The following TMEM120B variants were observed in gnomAD, a reference collection of about 807,000 sequenced individuals.
TMEM120B encodes transmembrane protein 120B.
Under a neutral mutation model 55.5 loss-of-function variants are expected in TMEM120B, and 31 were observed. That is an observed-to-expected ratio of 0.56 (90% CI 0.42 to 0.75). The LOEUF is 0.75. Ranked by LOEUF, TMEM120B falls within the 30% of genes least tolerant of loss-of-function variation. The pLI is 0.00. For synonymous variants in TMEM120B, 203 were observed against 176.3 expected (o/e 1.15, Z -1.20); for missense variants, 399 against 425.5 (o/e 0.94, Z 0.55).
intron 5 of TMEM120B, chr12:121,758,083 C>A: frequency 1.2e-6 from 1 of 816,822 alleles, no homozygotes; most frequent in Non-Finnish European, 1.5e-6. Flanking sequence ...CACGTCACTG[C>A]ACTCCAGCCT....
chr12:121,755,914 T>C (rs767948394), intron 5 of TMEM120B, among the ~76,000 whole-genome samples: 4 of 151,874 alleles, frequency 2.6e-5, no homozygotes, highest in Non-Finnish European at 4.4e-5. Flanking sequence ...ACCAGCAGAG[T>C]AGATGCTGGT....
intron 2 of TMEM120B, among the ~76,000 whole-genome samples, chr12:121,745,926 A>G (rs528759233): frequency 1.3e-5 from 2 of 151,984 alleles, no homozygotes; most frequent in South Asian, 2.1e-4. Context: ...CAGTGGTGCT[A>G]TCTTGGCTCA....
intron 1 of TMEM120B, among the ~76,000 whole-genome samples, chr12:121,719,619 C>T (rs1478869787): frequency 6.6e-6 from 1 of 152,042 alleles, no homozygotes; most frequent in East Asian, 1.9e-4. Context: ...GAAACAGTGG[C>T]ATCGATTGGA....
At chr12:121,743,100 A>T (rs1872980802) in intron 1 of TMEM120B, among the ~76,000 whole-genome samples, 1 of 151,978 alleles carries the variant, frequency 6.6e-6, no homozygotes, top group African/African-American at 2.4e-5. Flanking sequence ...CTGAATGGTT[A>T]TTTCAGGAAT....
At chr12:121,759,070 G>A (rs1873582668) in intron 5 of TMEM120B, 1 of 963,298 alleles carries the variant, frequency 1.0e-6, no homozygotes, top group Non-Finnish European at 1.2e-6. Context: ...GACACAGGGA[G>A]TTTATAGCTT....
rs957212653 is a variant in TMEM120B, at chr12:121,774,654, A to G, written c.773-4A>G. 2 of 1,613,620 alleles carry G rather than the reference A, an allele frequency of 1.2e-6. No homozygotes were observed. The highest frequency in any genetic ancestry group is 1.7e-6 in the Non-Finnish European group (2 of 1,179,792). ...GGGTCCTTTTTCTTCCCTCCTCTCC[A>G]CAGAAGGGTTCCAGTCCTGGATGTG... On this transcript the variant is annotated splice_region_variant and splice_polypyrimidine_tract_variant and intron_variant, in intron 9 of 11. Coordinates refer to ENST00000449592, the MANE Select transcript of TMEM120B (RefSeq NM_001080825.2).
At chr12:121,739,798 C>CTTTTTTT (rs200085137) in intron 1 of TMEM120B, among the ~76,000 whole-genome samples, 3 of 99,214 alleles carry the variant, frequency 3.0e-5, no homozygotes, top group Non-Finnish European at 5.8e-5. Context: ...TGCAACACTT[C>CTTTTTTT]TTTTTTTTTT....
At chr12:121,758,730 T>C in intron 5 of TMEM120B, 1 of 978,202 alleles carries the variant, frequency 1.0e-6, no homozygotes, top group Non-Finnish European at 1.2e-6. Context: ...AGCTCCACGC[T>C]GTGGTCACCA....
chr12:121,726,552 C>G (rs1222178716), intron 1 of TMEM120B, among the ~76,000 whole-genome samples: 2 of 146,466 alleles, frequency 1.4e-5, no homozygotes, highest in Non-Finnish European at 3.0e-5. Context: ...GCACTCCAGC[C>G]TGGGTGACAG....
chr12:121,729,902 A>G (rs1894964760), intron 1 of TMEM120B, among the ~76,000 whole-genome samples: 1 of 152,194 alleles, frequency 6.6e-6, no homozygotes, highest in African/African-American at 2.4e-5. Context: ...TCTTCCATCC[A>G]TCAGTGGAGG....
chr12:121,780,760 C>T lies in TMEM120B; in HGVS notation c.*5038C>T. 8.1e-7 allele frequency: 1 copy of T among 1,238,142 alleles called. No homozygotes were observed. Among genetic ancestry groups the T allele is most frequent in the South Asian group, 1.5e-5 (1 of 66,970 alleles). 76.7% of individuals were successfully genotyped at this position (1,238,142 alleles called of 1,614,324 possible). A position where few individuals can be genotyped will look rare whatever the true frequency, so the allele number is the denominator to read the frequency against. On this transcript the variant is annotated 3_prime_UTR_variant, in exon 12 of 12. Transcript: ENST00000449592. ...AATAGTTAAAAATTATTCTTAGAATCTTGCTTCCCTCAGCTCCCTGAAAGG... is the reference window on the plus strand; with the variant it reads ...AATAGTTAAAAATTATTCTTAGAATTTTGCTTCCCTCAGCTCCCTGAAAGG...
At chr12:121,770,786 T>G in intron 6 of TMEM120B, 121 bp from the exon 7 acceptor site, 3 of 867,608 alleles carry the variant, frequency 3.5e-6, no homozygotes, top group Non-Finnish European at 5.7e-6. Flanking sequence ...GTCTGTTTCT[T>G]ACTCCAAGAA....
chr12:121,729,340 G>A (rs1894953787), intron 1 of TMEM120B, among the ~76,000 whole-genome samples: 1 of 152,208 alleles, frequency 6.6e-6, no homozygotes, highest in African/African-American at 2.4e-5. Context: ...GCAAAGAGTA[G>A]CCAGGGACTC....
intron 7 of TMEM120B, 152 bp downstream of exon 7, chr12:121,771,124 C>T (rs560372001): frequency 4.9e-5 from 43 of 873,800 alleles, no homozygotes; most frequent in African/African-American, 2.5e-4. Flanking sequence ...CGCCGGGCTG[C>T]GCGGGCCCCA....
intron 1 of TMEM120B, among the ~76,000 whole-genome samples, chr12:121,719,577 C>T (rs1242114532): frequency 6.6e-6 from 1 of 152,066 alleles, no homozygotes; most frequent in African/African-American, 2.4e-5. Context: ...CAGAGTGAGA[C>T]CCTGTCTCAA....
rs779872355 is a variant in TMEM120B at position 121,780,925 on chromosome 12, C to T, written c.*5203C>T. ...GCGGCCCGGAGCTTCCGCAGCTGCT[C>T]CTTGTCCTTCCTCAGGTCTGTCTTG... On this transcript the variant is annotated 3_prime_UTR_variant, in exon 12 of 12. Transcript: ENST00000449592. 1 of 1,613,990 alleles carries T rather than the reference C, an allele frequency of 6.2e-7. No individual in the cohort carries two copies. Among genetic ancestry groups the T allele is most frequent in the East Asian group, 2.2e-5 (1 of 44,868 alleles).
intron 1 of TMEM120B, among the ~76,000 whole-genome samples, chr12:121,735,369 C>T (rs1416983277): frequency 6.6e-6 from 1 of 151,644 alleles, no homozygotes; most frequent in African/African-American, 2.4e-5. Flanking sequence ...AATAAAGTTG[C>T]AAGCATAATT....
chr12:121,763,186 G>A (rs1345213367), intron 6 of TMEM120B, among the ~76,000 whole-genome samples: 3 of 120,264 alleles, frequency 2.5e-5, no homozygotes, highest in South Asian at 2.7e-4. Context: ...TTTTTGAGAC[G>A]AAGTCTTGCT....
intron 1 of TMEM120B, among the ~76,000 whole-genome samples, chr12:121,724,158 C>T (rs1168921907): frequency 6.6e-6 from 1 of 151,510 alleles, no homozygotes; most frequent in African/African-American, 2.4e-5. Flanking sequence ...CTGCCTCAGC[C>T]TCCATAGTAG....
Sources: allele counts gnomAD v4.1 joint callset (sites outside exome capture counted in the v4.1 genomes callset), GRCh38; gene constraint gnomAD v4.1.1; transcripts MANE v1.5; gene names NCBI Gene and HGNC (gene_info 2026-07-23, HGNC 2026-07-21).